ZBTB20: variants seen among roughly 807,000 people sequenced by gnomAD.
The protein encoded by ZBTB20 is zinc finger and BTB domain containing 20.
ZBTB20 carries 9 observed loss-of-function variants against 56.9 expected under a neutral mutation model. The ratio of observed to expected loss-of-function variants is 0.16; its 90% CI spans 0.10 to 0.28. The LOEUF (loss-of-function observed/expected upper bound fraction) is 0.28. Among genes scored for constraint, ZBTB20 ranks in the 10% least tolerant of loss-of-function variants. ZBTB20 has a pLI of 1.00. For missense variants in ZBTB20, 655 were observed against 1,003.0 expected, an observed-to-expected ratio of 0.65 and a Z score of 4.69; for synonymous variants, 417 against 420.7, an observed-to-expected ratio of 0.99 and a Z score of 0.11.
In ZBTB20 at chr3:115,128,328, T is replaced by C. The variant is rs142437337; in HGVS notation, c.-703+18891A>G. Among the ~76,000 whole-genome samples the C allele has an allele frequency of 6.2e-3, 950 of 152,250 alleles. 5 individuals are homozygous for C. Among genetic ancestry groups the C allele is most frequent in the Non-Finnish European group, 0.011 (740 of 68,006 alleles). ...TATCAAAGAGAATCAGTTGAGGTAG[T>C]TGTTTCTACTAGCCTTGCCTAAAGT... On this transcript the variant is annotated intron_variant, in intron 1 of 11. Coordinates refer to ENST00000675478, the MANE Select transcript of ZBTB20 (RefSeq NM_001348800.3).
chr3:114,642,916 G>A (rs1310393902), intron 6 of ZBTB20, among the ~76,000 whole-genome samples: 1 of 152,020 alleles, frequency 6.6e-6, no homozygotes, highest in Non-Finnish European at 1.5e-5. Flanking sequence ...AGAATACACA[G>A]GATGCAGTAT....
At chr3:114,790,337 C>G (rs1354405539) in intron 5 of ZBTB20, among the ~76,000 whole-genome samples, 1 of 152,038 alleles carries the variant, frequency 6.6e-6, no homozygotes, top group Non-Finnish European at 1.5e-5. Flanking sequence ...TTGTTCCCAA[C>G]TCTGTGAAAT....
chr3:115,054,351 T>C (rs1204318229), intron 2 of ZBTB20, among the ~76,000 whole-genome samples: 1 of 152,178 alleles, frequency 6.6e-6, no homozygotes, highest in African/African-American at 2.4e-5. Context: ...TAAACTTTTT[T>C]AATTTAAGCT....
chr3:114,947,050 T>TA lies in ZBTB20; in HGVS notation c.-456+27315dup, dbSNP rs1196251822. 5.2e-3 allele frequency among the ~76,000 whole-genome samples: 715 copies of TA among 136,284 alleles called. 151 individuals carry two copies. The highest frequency in any genetic ancestry group is 0.021 in the African/African-American group (671 of 32,538). 89.4% of individuals were successfully genotyped at this position (136,284 alleles called of 152,430 possible). A position where few individuals can be genotyped will look rare whatever the true frequency, so the allele number is the denominator to read the frequency against. On this transcript the variant is annotated intron_variant, in intron 3 of 11. Coordinates refer to ENST00000675478, the MANE Select transcript of ZBTB20 (RefSeq NM_001348800.3). Reference sequence around the variant, plus strand: ...GACATACAAATGGCCAAGAAACATATAAAAAAAAAAGCTCAACATCACTAA... The same window carrying TA: ...GACATACAAATGGCCAAGAAACATATAAAAAAAAAAAGCTCAACATCACTAA...
chr3:114,732,526 T>A (rs997530333), intron 5 of ZBTB20, among the ~76,000 whole-genome samples: 9 of 152,200 alleles, frequency 5.9e-5, no homozygotes, highest in African/African-American at 2.2e-4. Flanking sequence ...CACACAGGGC[T>A]CTGCATGGCT....
intron 3 of ZBTB20, among the ~76,000 whole-genome samples, chr3:114,950,106 G>T (rs1046085154): frequency 7.2e-5 from 11 of 152,180 alleles, no homozygotes; most frequent in African/African-American, 2.4e-4. Context: ...AAGTGTTTTC[G>T]ACGAGTAGAA....
chr3:114,560,055 T>C (rs575024709), intron 6 of ZBTB20, among the ~76,000 whole-genome samples: 6 of 152,338 alleles, frequency 3.9e-5, no homozygotes, highest in African/African-American at 1.4e-4. Flanking sequence ...TCAGCATTGA[T>C]GCAGTGTTGT....
At chr3:114,871,563 C>A (rs1441236097) in intron 4 of ZBTB20, among the ~76,000 whole-genome samples, 1 of 152,104 alleles carries the variant, frequency 6.6e-6, no homozygotes, top group Non-Finnish European at 1.5e-5. Flanking sequence ...CCTCTGGGAT[C>A]CAAAGCATCC....
intron 4 of ZBTB20, among the ~76,000 whole-genome samples, chr3:114,832,169 C>T (rs144515395): frequency 6.6e-6 from 1 of 152,164 alleles, no homozygotes; most frequent in Admixed American, 6.6e-5. Flanking sequence ...AAATCCTGTC[C>T]TCTGCCTGCA....
intron 2 of ZBTB20, among the ~76,000 whole-genome samples, chr3:114,978,010 C>CA (rs764420792): frequency 0.21 from 11,734 of 56,212 alleles, 1,539 homozygotes; most frequent in African/African-American, 0.43. Context: ...GACCCAGTCT[C>CA]AAAAAAAAAA....
At chr3:114,861,084 G>A (rs1429144488) in intron 4 of ZBTB20, among the ~76,000 whole-genome samples, 1 of 152,124 alleles carries the variant, frequency 6.6e-6, no homozygotes, top group Non-Finnish European at 1.5e-5. Flanking sequence ...TAGACCTTTT[G>A]TTACCCATGA....
chr3:114,813,008 G>T (rs2072665222), intron 4 of ZBTB20, among the ~76,000 whole-genome samples: 1 of 152,192 alleles, frequency 6.6e-6, no homozygotes, highest in Non-Finnish European at 1.5e-5. Flanking sequence ...AGCACCGCGC[G>T]CAGCCCCGGT....
rs188954792 is a variant in ZBTB20 at position 114,702,574 on chromosome 3, A to G, written c.-342-8999T>C. Among the ~76,000 whole-genome samples, 127 of 152,268 alleles carry G rather than the reference A, an allele frequency of 8.3e-4. 1 individual carries two copies. The highest frequency in any genetic ancestry group is 3.0e-3 in the African/African-American group (125 of 41,550). ...GGAGAAAAGGAAACAAAGAACAAGA[A>G]AAGAGGAGTATGTGTATGTACATAC... On this transcript the variant is annotated intron_variant, in intron 5 of 11. Coordinates refer to ENST00000675478, the MANE Select transcript of ZBTB20 (RefSeq NM_001348800.3).
At chr3:114,574,585 T>C (rs2053804344) in intron 6 of ZBTB20, among the ~76,000 whole-genome samples, 1 of 152,224 alleles carries the variant, frequency 6.6e-6, no homozygotes, top group Non-Finnish European at 1.5e-5. Context: ...TGAACATATA[T>C]CTCAATATCT....
Position 114,409,041 on chromosome 3 carries a change from T to C in ZBTB20, c.-254-19936A>G, listed in dbSNP as rs530780807. 3.3e-5 allele frequency among the ~76,000 whole-genome samples: 5 copies of C among 150,504 alleles called. No individual in the cohort carries two copies. In the South Asian group the frequency reaches 6.3e-4, roughly 19 times the overall value. ...GATGTCACAGTCAGATATGATTTCA[T>C]GGCAGGAAAAAACCAAAAAGGCAGA... is the stretch of plus-strand genomic sequence containing the variant. On this transcript the variant is annotated intron_variant, in intron 7 of 11. Transcript: ENST00000675478.
At chr3:114,797,368 C>T (rs1014537893) in intron 5 of ZBTB20, among the ~76,000 whole-genome samples, 6 of 151,822 alleles carry the variant, frequency 4.0e-5, no homozygotes, top group Non-Finnish European at 7.4e-5. Context: ...CTGTCCCCAA[C>T]AAGCATTCTA....
At chr3:115,035,864 T>C (rs1192694019) in intron 2 of ZBTB20, among the ~76,000 whole-genome samples, 2 of 152,334 alleles carry the variant, frequency 1.3e-5, no homozygotes, top group South Asian at 2.1e-4. Context: ...TTGTGATATA[T>C]ATACACAATG....
intron 3 of ZBTB20, among the ~76,000 whole-genome samples, chr3:114,948,520 A>C (rs1312981040): frequency 6.8e-6 from 1 of 146,076 alleles, no homozygotes; most frequent in Non-Finnish European, 1.5e-5. Flanking sequence ...TGTTATAAAA[A>C]ATTCAAAAGA....
chr3:114,777,448 G>A (rs1246507737), intron 5 of ZBTB20, among the ~76,000 whole-genome samples: 1 of 152,066 alleles, frequency 6.6e-6, no homozygotes, highest in Non-Finnish European at 1.5e-5. Flanking sequence ...AGGTTGCAGT[G>A]AGCCAAGATC....
Sources: allele counts gnomAD v4.1 joint callset (sites outside exome capture counted in the v4.1 genomes callset), GRCh38; gene constraint gnomAD v4.1.1; transcripts MANE v1.5; gene names NCBI Gene and HGNC (gene_info 2026-07-23, HGNC 2026-07-21).